C11orf71: variants seen among roughly 807,000 people sequenced by gnomAD.
C11orf71 encodes the protein chromosome 11 open reading frame 71.
For missense variants in C11orf71, 179 were observed against 167.6 expected, an observed-to-expected ratio of 1.07 and a Z score of -0.38; for synonymous variants, 72 against 73.4, an observed-to-expected ratio of 0.98 and a Z score of 0.09.
At chr11:114,392,061 G>T (rs1946077045) in intron 1 of C11orf71, among the ~76,000 whole-genome samples, 1 of 152,070 alleles carries the variant, frequency 6.6e-6, no homozygotes, top group Non-Finnish European at 1.5e-5. Flanking sequence ...TACTTGAATG[G>T]TAAGTATACA....
At chr11:114,391,643 T>C in exon 2 of C11orf71, 1 of 1,517,002 alleles carries the variant, frequency 6.6e-7, no homozygotes, top group South Asian at 1.3e-5. Context: ...CAGACTCAGA[T>C]AGCTTCAGGG....
chr11:114,399,779 C>G lies in C11orf71; in HGVS notation c.*181G>C, dbSNP rs1025864307. The G allele has an allele frequency of 5.3e-6, 5 of 946,534 alleles. No homozygotes were observed. Among genetic ancestry groups the G allele is most frequent in the Non-Finnish European group, 4.5e-6 (3 of 663,574 alleles). The allele number at this position is 946,534 out of a possible 1,614,324, so 58.6% of individuals were successfully genotyped here. A position where few individuals can be genotyped will look rare whatever the true frequency, so the allele number is the denominator to read the frequency against. ...ATCCAATCGTTCTGGCTGCATAAAA[C>G]CACCTAAATCAATCAACTGTTACAC... On this transcript the variant is annotated 3_prime_UTR_variant, in exon 1 of 1. Transcript: ENST00000623205.
downstream of C11orf71, among the ~76,000 whole-genome samples, chr11:114,394,181 T>A: frequency 2.4e-5 from 1 of 41,454 alleles, no homozygotes; most frequent in Non-Finnish European, 4.7e-5. Context: ...GGGGTTTCGT[T>A]TCTTTTCTTT....
exon 2 of C11orf71, chr11:114,391,615 A>T (rs1946072489): frequency 6.5e-7 from 1 of 1,540,702 alleles, no homozygotes; most frequent in Non-Finnish European, 8.8e-7. Context: ...GTTGAACACC[A>T]TCTTAAATCA....
downstream of C11orf71, among the ~76,000 whole-genome samples, chr11:114,394,228 CTTTCTTTTCTTTTCT>C (rs368913754): frequency 1.8e-4 from 9 of 48,702 alleles, no homozygotes; most frequent in African/African-American, 3.0e-4. Context: ...CTTTTCTTTT[CTTTCTTTTCTTTTCT>C]TTTCTTTTCT....
Position 114,399,745 on chromosome 11 carries a change from C to T in C11orf71, c.*215G>A. The T allele has an allele frequency of 1.4e-6, 1 of 720,406 alleles. No homozygotes were observed. Among genetic ancestry groups the T allele is most frequent in the Non-Finnish European group, 2.2e-6 (1 of 465,082 alleles). 44.6% of individuals were successfully genotyped at this position (720,406 alleles called of 1,614,324 possible). A position where few individuals can be genotyped will look rare whatever the true frequency, so the allele number is the denominator to read the frequency against. Reference sequence around the variant, plus strand: ...ACGACCTAAGAATATCCCTTCCACACCTTTCCTGATCCAATCGTTCTGGCT... The same window carrying T: ...ACGACCTAAGAATATCCCTTCCACATCTTTCCTGATCCAATCGTTCTGGCT... On this transcript the variant is annotated 3_prime_UTR_variant, in exon 1 of 1. Transcript: ENST00000623205.
rs1946172282 is a variant in C11orf71, at chr11:114,400,110, G to C, written c.222C>G (p.Ser74Arg). The change falls in exon 1 of 1, where the codon AGC becomes AGG. Residue 74 changes from serine to arginine, a missense_variant. By Grantham distance (110) the Ser-to-Arg change is moderately radical. Transcript: ENST00000623205. ...GGCCCCGGCCATCTGGTTCCCTTGG[G>C]CTCCGGCCGCCACCATCCACTCGAC... Reference protein sequence around the residue: ...ESRRVDGGGRSPREPDGRGRS... With the variant: ...ESRRVDGGGRRPREPDGRGRS... 5 of 1,612,870 alleles carry C rather than the reference G, an allele frequency of 3.1e-6. No individual in the cohort carries two copies. The highest frequency in any genetic ancestry group is 1.7e-5 in the Admixed American group (1 of 60,022).
downstream of C11orf71, among the ~76,000 whole-genome samples, chr11:114,395,301 T>C (rs1055779371): frequency 6.6e-6 from 1 of 152,308 alleles, no homozygotes; most frequent in African/African-American, 2.4e-5. Context: ...AGTGTGTTCT[T>C]TGAATGTAAG....
At chr11:114,395,963 C>T (rs1004613775), downstream of C11orf71, among the ~76,000 whole-genome samples, 2 of 152,130 alleles carry the variant, frequency 1.3e-5, no homozygotes, top group Admixed American at 6.5e-5. Context: ...GTGGTGTGAT[C>T]GTAGCTCACT....
At chr11:114,395,359 G>A (rs1946123228), downstream of C11orf71, among the ~76,000 whole-genome samples, 1 of 152,210 alleles carries the variant, frequency 6.6e-6, no homozygotes. Context: ...AACAGAAAAT[G>A]AGGACAAGCA....
downstream of C11orf71, among the ~76,000 whole-genome samples, chr11:114,394,178 C>CTTT (rs1565256269): frequency 1.2e-5 from 1 of 81,146 alleles, no homozygotes. Context: ...GACGGGGTTT[C>CTTT]GTTTCTTTTC....
intron 1 of C11orf71, chr11:114,391,795 TAAGC>T (rs1946074821): frequency 4.2e-6 from 2 of 476,780 alleles, no homozygotes; most frequent in Admixed American, 7.8e-5. Context: ...GTGGGGACAA[TAAGC>T]AAGTCACAAA....
At chr11:114,392,165 A>G (rs2155805) in intron 1 of C11orf71, among the ~76,000 whole-genome samples, 59,860 of 151,914 alleles carry the variant, frequency 0.39, 11,977 homozygotes, top group South Asian at 0.51. Context: ...CACTTTGGGA[A>G]GCTGAGACTG....
In C11orf71 at chr11:114,400,053, T is replaced by C; in HGVS notation, c.279A>G (p.Pro93=). 5.0e-6 allele frequency: 8 copies of C among 1,613,966 alleles called. No homozygotes were observed. The highest frequency in any genetic ancestry group is 6.8e-6 in the Non-Finnish European group (8 of 1,179,872). ...RSRQARFSPY[P]IPAVEPDLLR... The stretch of plus-strand genomic sequence containing the variant: ...GGAGATCGGGTTCAACGGCAGGGAT[T>C]GGGTAAGGTGAGAATCTGGCTTGGC... The change falls in exon 1 of 1, where the codon CCA becomes CCG. Residue 93 remains proline, a synonymous_variant. Coordinates refer to ENST00000623205, the MANE Select transcript of C11orf71 (RefSeq NM_001271562.2).
intron 1 of C11orf71, among the ~76,000 whole-genome samples, chr11:114,393,086 C>T (rs964216425): frequency 1.3e-5 from 2 of 152,222 alleles, no homozygotes; most frequent in Non-Finnish European, 2.9e-5. Context: ...TTAGCTTTTG[C>T]TGCAGACTTA....
At chr11:114,393,520 T>C (rs1375610302) in intron 1 of C11orf71, among the ~76,000 whole-genome samples, 1 of 152,222 alleles carries the variant, frequency 6.6e-6, no homozygotes, top group Admixed American at 6.5e-5. Context: ...ATTAAAATCA[T>C]ATGCCTGTGG....
At position 114,399,830 on chromosome 11, in the gene C11orf71, T is replaced by C. The variant is rs965638452; in HGVS notation, c.*130A>G. 3.1e-6 allele frequency: 4 copies of C among 1,291,268 alleles called. No individual in the cohort carries two copies. Among genetic ancestry groups the C allele is most frequent in the Admixed American group, 5.8e-5 (2 of 34,630 alleles). The allele number at this position is 1,291,268 out of a possible 1,614,324, so 80.0% of individuals were successfully genotyped here. A position where few individuals can be genotyped will look rare whatever the true frequency, so the allele number is the denominator to read the frequency against. On this transcript the variant is annotated 3_prime_UTR_variant, in exon 1 of 1. Transcript: ENST00000623205. ...TTCCCTTAGTGCTAGGACATATTCA[T>C]ATAACTCCCACGTATTAAATGAAAA... is the stretch of plus-strand genomic sequence containing the variant.
chr11:114,393,453 T>C (rs1946088425), intron 1 of C11orf71, among the ~76,000 whole-genome samples: 1 of 152,188 alleles, frequency 6.6e-6, no homozygotes, highest in Admixed American at 6.5e-5. Context: ...AAGGCAAATA[T>C]CAAGAGAAAA....
chr11:114,392,931 C>A (rs1946084427), intron 1 of C11orf71, among the ~76,000 whole-genome samples: 1 of 152,204 alleles, frequency 6.6e-6, no homozygotes, highest in South Asian at 2.1e-4. Flanking sequence ...CTAAAATTCT[C>A]TGCAAACTAA....
Sources: gnomAD v4.1 joint callset for allele counts (sites outside exome capture counted in the v4.1 genomes callset) on GRCh38, gnomAD v4.1.1 for gene constraint, MANE v1.5 for transcripts, NCBI Gene and HGNC (gene_info 2026-07-23, HGNC 2026-07-21) for gene names.